Variants in SPECC1 observed in about 807,000 individuals in gnomAD.
SPECC1 encodes the protein cytospin-B.
SPECC1 carries 62 observed loss-of-function variants against 104.1 expected under a neutral mutation model. The ratio of observed to expected loss-of-function variants is 0.60; its 90% CI spans 0.49 to 0.74. The LOEUF is 0.74. Among genes scored for constraint, SPECC1 ranks in the 30% least tolerant of loss-of-function variants. The pLI is 0.00. For synonymous variants in SPECC1, 513 were observed against 501.6 expected (o/e 1.02, Z -0.30); for missense variants, 1,306 against 1,310.5 (o/e 1.00, Z 0.05).
At chr17:20,039,992 T>C (rs1337342130) in intron 1 of SPECC1, among the ~76,000 whole-genome samples, 2 of 152,190 alleles carry the variant, frequency 1.3e-5, no homozygotes, top group African/African-American at 4.8e-5. Context: ...TTTATGTTTT[T>C]AAAAAATTTA....
At chr17:20,211,626 G>C (rs1000640436) in intron 4 of SPECC1, among the ~76,000 whole-genome samples, 1 of 152,240 alleles carries the variant, frequency 6.6e-6, no homozygotes, top group Non-Finnish European at 1.5e-5. Context: ...GGAACTCATG[G>C]CATGTCTGCC....
chr17:20,237,009 G>T, intron 7 of SPECC1: 1 of 1,561,800 alleles, frequency 6.4e-7, no homozygotes, highest in Non-Finnish European at 8.6e-7. Context: ...TTGTCTCCTT[G>T]TGACATTCTC....
At chr17:20,121,900 G>A (rs1193950565) in intron 3 of SPECC1, among the ~76,000 whole-genome samples, 1 of 152,198 alleles carries the variant, frequency 6.6e-6, no homozygotes, top group Non-Finnish European at 1.5e-5. Context: ...AACAATGCTT[G>A]TATTTATTGA....
chr17:20,049,551 A>G (rs1449882337), intron 1 of SPECC1, among the ~76,000 whole-genome samples: 1 of 152,090 alleles, frequency 6.6e-6, no homozygotes, highest in Non-Finnish European at 1.5e-5. Flanking sequence ...GGGTTTATAT[A>G]GGTACTCTTT....
At chr17:20,301,053 C>T (rs1047142928) in intron 13 of SPECC1, among the ~76,000 whole-genome samples, 1 of 152,166 alleles carries the variant, frequency 6.6e-6, no homozygotes, top group Non-Finnish European at 1.5e-5. Flanking sequence ...TCTGGAGGAG[C>T]CACAGTGGCT....
chr17:20,124,275 G>T (rs1160524740), intron 3 of SPECC1, among the ~76,000 whole-genome samples: 3 of 152,198 alleles, frequency 2.0e-5, no homozygotes, highest in Non-Finnish European at 2.9e-5. Flanking sequence ...ACAGTCATAG[G>T]TATGAGGTAC....
intron 7 of SPECC1, chr17:20,239,102 T>TA: frequency 9.7e-7 from 1 of 1,029,784 alleles, no homozygotes; most frequent in Non-Finnish European, 1.2e-6. Flanking sequence ...GGGCATGGAG[T>TA]AAAAATGCTA....
chr17:20,150,729 G>T (rs2031929860), intron 3 of SPECC1, among the ~76,000 whole-genome samples: 1 of 151,246 alleles, frequency 6.6e-6, no homozygotes, highest in South Asian at 2.1e-4. Flanking sequence ...AAGAATAACT[G>T]CTGAGCTTAA....
intron 1 of SPECC1, among the ~76,000 whole-genome samples, chr17:20,036,896 G>C (rs577041631): frequency 6.6e-6 from 1 of 152,322 alleles, no homozygotes; most frequent in Admixed American, 6.5e-5. Context: ...GATCGTAGGG[G>C]AAAGCATTTA....
chr17:20,308,389 CAAAAAAAAAAAA>C lies in SPECC1; in HGVS notation c.3117+2318_3117+2329del, dbSNP rs3072413. 6.0e-5 allele frequency among the ~76,000 whole-genome samples: 4 copies of C among 66,606 alleles called. No homozygotes were observed. The East Asian group carries it at 2.3e-3, about 38-fold the overall frequency. The allele number at this position is 66,606 out of a possible 152,430, so 43.7% of individuals were successfully genotyped here. A position where few individuals can be genotyped will look rare whatever the true frequency, so the allele number is the denominator to read the frequency against. On this transcript the variant is annotated intron_variant, in intron 14 of 14. Coordinates refer to ENST00000395527, the MANE Select transcript of SPECC1 (RefSeq NM_001243439.2). ...GGGTGACAAGAGCGAAACTCCATCT[CAAAAAAAAAAAA>C]AAAAAAAAAATTCCATAACCCTCAA...
intron 1 of SPECC1, among the ~76,000 whole-genome samples, chr17:20,035,289 A>G (rs980016197): frequency 6.6e-6 from 1 of 152,098 alleles, no homozygotes; most frequent in African/African-American, 2.4e-5. Flanking sequence ...TTCCGTATAC[A>G]TTTTTGTATG....
At chr17:20,244,802 C>T (rs1397008191) in intron 7 of SPECC1, among the ~76,000 whole-genome samples, 5 of 152,172 alleles carry the variant, frequency 3.3e-5, no homozygotes, top group Non-Finnish European at 5.9e-5. Flanking sequence ...TCTTGCAAAA[C>T]AGCTGTGGCA....
intron 4 of SPECC1, among the ~76,000 whole-genome samples, chr17:20,225,840 G>C (rs188847223): frequency 4.3e-4 from 65 of 152,270 alleles, no homozygotes; most frequent in Non-Finnish European, 7.2e-4. Flanking sequence ...TGGCCATGTT[G>C]TTCTGTCTCC....
At chr17:20,228,436 G>C (rs2038369643) in intron 5 of SPECC1, among the ~76,000 whole-genome samples, 1 of 152,192 alleles carries the variant, frequency 6.6e-6, no homozygotes, top group African/African-American at 2.4e-5. Context: ...TCAGCTTGAA[G>C]GCCACATGTT....
chr17:20,187,680 G>C (rs2035372228), intron 3 of SPECC1, among the ~76,000 whole-genome samples: 1 of 152,208 alleles, frequency 6.6e-6, no homozygotes, highest in African/African-American at 2.4e-5. Context: ...GTAAGCTTGA[G>C]TTGGGTTTTC....
At chr17:20,135,350 C>T (rs930273720) in intron 3 of SPECC1, among the ~76,000 whole-genome samples, 13 of 152,254 alleles carry the variant, frequency 8.5e-5, no homozygotes, top group Middle Eastern at 3.4e-3. Context: ...GGACGTTTAT[C>T]CTTATTTGAT....
At chr17:20,097,210 G>C (rs1045553601) in intron 2 of SPECC1, among the ~76,000 whole-genome samples, 1 of 152,136 alleles carries the variant, frequency 6.6e-6, no homozygotes, top group Non-Finnish European at 1.5e-5. Flanking sequence ...CTTCATGAGG[G>C]AGTGCGTTCT....
chr17:20,262,567 A>G (rs1474086185), intron 12 of SPECC1, among the ~76,000 whole-genome samples: 2 of 152,160 alleles, frequency 1.3e-5, no homozygotes, highest in Non-Finnish European at 2.9e-5. Context: ...ACACCTTTTC[A>G]TATGCAAATA....
At chr17:20,137,235 C>T (rs2030107692) in intron 3 of SPECC1, among the ~76,000 whole-genome samples, 1 of 152,190 alleles carries the variant, frequency 6.6e-6, no homozygotes, top group Non-Finnish European at 1.5e-5. Context: ...ATTTAGGAAC[C>T]GTCCCCTTTC....
Sources: gnomAD v4.1 joint callset for allele counts (sites outside exome capture counted in the v4.1 genomes callset) on GRCh38, gnomAD v4.1.1 for gene constraint, MANE v1.5 for transcripts, NCBI Gene and HGNC (gene_info 2026-07-23, HGNC 2026-07-21) for gene names.